The following GRIK2 variants were observed in gnomAD, a reference collection of about 807,000 sequenced individuals.
GRIK2 encodes the protein glutamate receptor ionotropic, kainate 2.
In GRIK2, 32 loss-of-function variants were observed where a neutral mutation model predicts 100.3. The ratio of observed to expected loss-of-function variants is 0.32; its 90% CI spans 0.24 to 0.43. GRIK2 has a LOEUF of 0.43. Ranked by LOEUF, GRIK2 falls within the 20% of genes least tolerant of loss-of-function variation. The pLI is 1.00. For missense variants in GRIK2, 843 were observed against 1,114.9 expected (o/e 0.76, Z 3.47); for synonymous variants, 417 against 389.4 (o/e 1.07, Z -0.83).
chr6:101,557,652 T>C (rs1399361259), intron 2 of GRIK2, among the ~76,000 whole-genome samples: 1 of 152,184 alleles, frequency 6.6e-6, no homozygotes, highest in African/African-American at 2.4e-5. Context: ...ACGCACCCCT[T>C]ATTCACAGAA....
intron 2 of GRIK2, among the ~76,000 whole-genome samples, chr6:101,575,902 T>C (rs62419633): frequency 0.052 from 7,937 of 152,022 alleles, 312 homozygotes; most frequent in South Asian, 0.11. Flanking sequence ...TATGTAAGAA[T>C]TGATTTTTCC....
At chr6:101,956,630 G>A (rs1441714124) in intron 14 of GRIK2, among the ~76,000 whole-genome samples, 1 of 151,580 alleles carries the variant, frequency 6.6e-6, no homozygotes, top group Non-Finnish European at 1.5e-5. Context: ...GAGAATATGA[G>A]GTATTTGACT....
At chr6:101,814,426 A>T (rs992192208) in intron 9 of GRIK2, among the ~76,000 whole-genome samples, 3 of 152,078 alleles carry the variant, frequency 2.0e-5, no homozygotes, top group African/African-American at 7.2e-5. Flanking sequence ...AGTTTACGTA[A>T]AACAAAGTAA....
At chr6:102,002,304 GTA>G (rs1273882364) in intron 14 of GRIK2, among the ~76,000 whole-genome samples, 5 of 147,486 alleles carry the variant, frequency 3.4e-5, no homozygotes, top group African/African-American at 4.9e-5. Context: ...GTGTGTGTGT[GTA>G]TATATATACA....
intron 2 of GRIK2, among the ~76,000 whole-genome samples, chr6:101,561,717 G>A (rs887341128): frequency 1.7e-4 from 26 of 152,242 alleles, no homozygotes; most frequent in Non-Finnish European, 2.6e-4. Context: ...AAATCATTAG[G>A]CATGCAAGAG....
At chr6:101,415,621 C>T (rs1312491713) in intron 2 of GRIK2, among the ~76,000 whole-genome samples, 2 of 152,002 alleles carry the variant, frequency 1.3e-5, no homozygotes, top group Non-Finnish European at 2.9e-5. Context: ...CCACCCGCCT[C>T]GGCCTCCCAA....
At chr6:102,052,861 C>T (rs1283689815) in intron 15 of GRIK2, among the ~76,000 whole-genome samples, 2 of 152,060 alleles carry the variant, frequency 1.3e-5, no homozygotes, top group Non-Finnish European at 2.9e-5. Flanking sequence ...AGGTGGATTG[C>T]TTGAGCTCAG....
intron 2 of GRIK2, among the ~76,000 whole-genome samples, chr6:101,503,165 A>T (rs772509318): frequency 3.9e-5 from 6 of 152,050 alleles, no homozygotes; most frequent in Non-Finnish European, 8.8e-5. Context: ...GAAGTCAAAT[A>T]CCTTAAGTGT....
intron 2 of GRIK2, among the ~76,000 whole-genome samples, chr6:101,440,147 A>C (rs1014610705): frequency 6.6e-6 from 1 of 152,170 alleles, no homozygotes. Flanking sequence ...ATGGGGTATC[A>C]AAGAAAAATA....
chr6:101,473,176 C>G (rs1772046084), intron 2 of GRIK2, among the ~76,000 whole-genome samples: 2 of 148,538 alleles, frequency 1.3e-5, no homozygotes, highest in South Asian at 4.3e-4. Flanking sequence ...TTCCTTTCTT[C>G]CTTCCCTCCC....
At chr6:101,527,582 TTG>T (rs1447049136) in intron 2 of GRIK2, among the ~76,000 whole-genome samples, 1 of 152,188 alleles carries the variant, frequency 6.6e-6, no homozygotes, top group African/African-American at 2.4e-5. Context: ...CTTCTCGACT[TTG>T]TGATTTTGAT....
intron 11 of GRIK2, among the ~76,000 whole-genome samples, chr6:101,879,624 A>T (rs1264887541): frequency 1.3e-5 from 2 of 151,736 alleles, no homozygotes; most frequent in African/African-American, 4.8e-5. Flanking sequence ...TATATCAATA[A>T]TCTGAAAATT....
chr6:101,912,342 T>C (rs1788784135), intron 12 of GRIK2, among the ~76,000 whole-genome samples: 1 of 151,444 alleles, frequency 6.6e-6, no homozygotes, highest in Non-Finnish European at 1.5e-5. Flanking sequence ...TCTTAAGAAG[T>C]GTTTTAGCTC....
At chr6:101,817,473 G>A (rs1461978943) in intron 9 of GRIK2, among the ~76,000 whole-genome samples, 1 of 152,146 alleles carries the variant, frequency 6.6e-6, no homozygotes, top group Non-Finnish European at 1.5e-5. Flanking sequence ...TTACTCCTGG[G>A]TATGAGACAG....
chr6:101,854,842 A>T (rs1264518542), intron 10 of GRIK2, among the ~76,000 whole-genome samples: 1 of 152,180 alleles, frequency 6.6e-6, no homozygotes, highest in Non-Finnish European at 1.5e-5. Flanking sequence ...GTTATATTTT[A>T]GGAGAGTGAG....
At chr6:101,687,538 G>A (rs1350142957) in intron 7 of GRIK2, among the ~76,000 whole-genome samples, 3 of 151,842 alleles carry the variant, frequency 2.0e-5, no homozygotes, top group Non-Finnish European at 4.4e-5. Context: ...TTTTGATACT[G>A]TAGGGATAAA....
In GRIK2 at chr6:101,589,201, T is replaced by C. The variant is rs544133284; in HGVS notation, c.116-32748T>C. ...TTATTTTAAAATCAACAGATAACTT[T>C]GTATGGATTTATGTATAACATGATG... is the stretch of plus-strand genomic sequence containing the variant. On this transcript the variant is annotated intron_variant, in intron 2 of 16. Transcript: ENST00000369134. 2.6e-5 allele frequency among the ~76,000 whole-genome samples: 4 copies of C among 152,226 alleles called. No individual in the cohort carries two copies. The East Asian group carries it at 5.8e-4, about 22-fold the overall frequency.
intron 14 of GRIK2, among the ~76,000 whole-genome samples, chr6:102,019,153 G>A (rs535170389): frequency 4.6e-5 from 7 of 152,090 alleles, no homozygotes; most frequent in Admixed American, 1.3e-4. Context: ...TCAAAATGAT[G>A]CATCAGCTGA....
chr6:102,017,277 G>A (rs989097406), intron 14 of GRIK2, among the ~76,000 whole-genome samples: 3 of 152,172 alleles, frequency 2.0e-5, no homozygotes, highest in Non-Finnish European at 2.9e-5. Context: ...TGGAGAGAGT[G>A]AAGGGGGAAC....
Sources: allele counts gnomAD v4.1 joint callset (sites outside exome capture counted in the v4.1 genomes callset), GRCh38; gene constraint gnomAD v4.1.1; transcripts MANE v1.5; gene names NCBI Gene and HGNC (gene_info 2026-07-23, HGNC 2026-07-21).